AIG1: variants seen among roughly 807,000 people sequenced by gnomAD.
AIG1 encodes the protein androgen-induced gene 1 protein.
A neutral mutation model predicts 31.4 loss-of-function variants in AIG1; 23 were observed. The ratio of observed to expected loss-of-function variants is 0.73; its 90% CI spans 0.53 to 1.04. AIG1 has a LOEUF of 1.04. Among genes scored for constraint, AIG1 ranks in the 50% least tolerant of loss-of-function variants. The pLI is 0.00. For missense variants in AIG1, 274 were observed against 295.0 expected, an observed-to-expected ratio of 0.93 and a Z score of 0.52; for synonymous variants, 100 against 110.5, an observed-to-expected ratio of 0.90 and a Z score of 0.60.
At chr6:143,082,367 T>G (rs540908248) in intron 1 of AIG1, among the ~76,000 whole-genome samples, 63 of 152,328 alleles carry the variant, frequency 4.1e-4, no homozygotes, top group Non-Finnish European at 7.8e-4. Flanking sequence ...AAGGTCCCCT[T>G]GAGCGGCATA....
chr6:143,161,111 AG>A (rs1006140045), intron 2 of AIG1, among the ~76,000 whole-genome samples: 1 of 152,324 alleles, frequency 6.6e-6, no homozygotes, highest in African/African-American at 2.4e-5. Flanking sequence ...TGGAATAGTA[AG>A]AACAATTTTA....
downstream of AIG1, among the ~76,000 whole-genome samples, chr6:143,341,550 A>G (rs1191914037): frequency 6.6e-6 from 1 of 152,178 alleles, no homozygotes; most frequent in Non-Finnish European, 1.5e-5. Flanking sequence ...AGGACACACA[A>G]AGGGACACCA....
Position 143,171,325 on chromosome 6 carries a change from A to G in AIG1, c.399+6142A>G, listed in dbSNP as rs188071363. 3.0e-4 allele frequency among the ~76,000 whole-genome samples: 44 copies of G among 148,548 alleles called. No individual in the cohort carries two copies. The East Asian group carries it at 7.8e-3, about 26-fold the overall frequency. On this transcript the variant is annotated intron_variant, in intron 3 of 5. Transcript: ENST00000357847. ...TCCATTCTCGAGTTACTTCACTTAG[A>G]ATGATGGTTTCCAATTCCATCCAGG...
intron 3 of AIG1, among the ~76,000 whole-genome samples, chr6:143,236,399 TTC>T (rs1328769480): frequency 1.3e-5 from 2 of 152,250 alleles, no homozygotes; most frequent in African/African-American, 4.8e-5. Flanking sequence ...TTTCAAAGGA[TTC>T]AGTCTTTGGT....
intron 2 of AIG1, among the ~76,000 whole-genome samples, chr6:143,147,689 G>A (rs1380256219): frequency 1.3e-5 from 2 of 152,118 alleles, no homozygotes; most frequent in African/African-American, 4.8e-5. Context: ...CACCCCATTA[G>A]CTCAGAGTTC....
chr6:143,206,326 C>T (rs1025145043), intron 3 of AIG1, among the ~76,000 whole-genome samples: 2 of 152,182 alleles, frequency 1.3e-5, no homozygotes, highest in Non-Finnish European at 2.9e-5. Flanking sequence ...TAATCTTTAA[C>T]CATTACATTT....
intron 4 of AIG1, among the ~76,000 whole-genome samples, chr6:143,322,782 A>G (rs1157524951): frequency 1.3e-5 from 2 of 152,196 alleles, no homozygotes; most frequent in Non-Finnish European, 2.9e-5. Flanking sequence ...AAAGCACATT[A>G]CCTCATTACA....
intron 3 of AIG1, chr6:143,190,106 C>T (rs948604832): frequency 9.0e-6 from 8 of 889,190 alleles, no homozygotes; most frequent in Non-Finnish European, 1.1e-5. Context: ...TCCCAAAGGG[C>T]CATCTCCTAA....
chr6:143,066,980 G>A (rs1410247998), intron 1 of AIG1, among the ~76,000 whole-genome samples: 1 of 152,006 alleles, frequency 6.6e-6, no homozygotes, highest in African/African-American at 2.4e-5. Context: ...GACCAGCCTG[G>A]GCATCACAGC....
intron 1 of AIG1, among the ~76,000 whole-genome samples, chr6:143,079,876 C>T (rs774572177): frequency 2.6e-5 from 4 of 151,376 alleles, no homozygotes; most frequent in African/African-American, 7.3e-5. Flanking sequence ...GTTGCCACTC[C>T]GTGCTCAAAT....
intron 3 of AIG1, among the ~76,000 whole-genome samples, chr6:143,216,750 C>T (rs996170631): frequency 2.6e-4 from 39 of 152,182 alleles, no homozygotes; most frequent in African/African-American, 8.9e-4. Flanking sequence ...TATGTGGCTG[C>T]GTCCAGGTTT....
intron 1 of AIG1, among the ~76,000 whole-genome samples, chr6:143,070,946 C>T (rs1472237052): frequency 6.6e-6 from 1 of 152,214 alleles, no homozygotes; most frequent in African/African-American, 2.4e-5. Context: ...GTGTAGGCTT[C>T]ACCCACTTTC....
intron 3 of AIG1, chr6:143,190,052 C>T: frequency 1.8e-6 from 1 of 555,806 alleles, no homozygotes; most frequent in Non-Finnish European, 2.3e-6. Flanking sequence ...TAAAAGCCCA[C>T]CAATCCCATT....
intron 4 of AIG1, among the ~76,000 whole-genome samples, chr6:143,306,246 G>A (rs995975541): frequency 2.0e-5 from 3 of 151,920 alleles, no homozygotes; most frequent in Non-Finnish European, 2.9e-5. Flanking sequence ...ATATTGTTAT[G>A]TGTGAATTTG....
intron 3 of AIG1, among the ~76,000 whole-genome samples, chr6:143,175,957 G>T (rs547150424): frequency 1.3e-5 from 2 of 152,320 alleles, no homozygotes; most frequent in East Asian, 3.9e-4. Flanking sequence ...GAAGATCTGG[G>T]ATTCAAGGCT....
chr6:143,201,084 C>T (rs1162842559), intron 3 of AIG1, among the ~76,000 whole-genome samples: 1 of 152,124 alleles, frequency 6.6e-6, no homozygotes, highest in Non-Finnish European at 1.5e-5. Flanking sequence ...ATTTAGTTTG[C>T]AGAGAGTCCA....
Position 143,327,159 on chromosome 6 carries a change from G to T in AIG1, c.516-6123G>T, listed in dbSNP as rs1275621915. On this transcript the variant is annotated intron_variant, in intron 4 of 5. Transcript: ENST00000357847. The surrounding 1 kb of genome is among the most constrained non-coding windows in gnomAD (Gnocchi z 5.3). ...GCTTCTAACACAAATTAAGATGCTG[G>T]TGATGCACATGGGAAAAATCAACAT... 1 of 157,880 alleles carries T rather than the reference G, an allele frequency of 6.3e-6. No individual in the cohort carries two copies. Among genetic ancestry groups the T allele is most frequent in the Non-Finnish European group, 1.4e-5 (1 of 72,306 alleles). 9.8% of individuals were successfully genotyped at this position (157,880 alleles called of 1,614,324 possible).
chr6:143,183,196 C>CTTTTT (rs35379724), intron 3 of AIG1, among the ~76,000 whole-genome samples: 2 of 132,854 alleles, frequency 1.5e-5, no homozygotes, highest in East Asian at 2.2e-4. Flanking sequence ...CGGACAATGG[C>CTTTTT]TTTTTTTTTT....
At chr6:143,098,581 G>A (rs1244136223) in intron 1 of AIG1, among the ~76,000 whole-genome samples, 1 of 152,080 alleles carries the variant, frequency 6.6e-6, no homozygotes, top group Non-Finnish European at 1.5e-5. Context: ...ATCTGATGTT[G>A]GTCCCCCAAA....
Sources: allele counts gnomAD v4.1 joint callset (sites outside exome capture counted in the v4.1 genomes callset), GRCh38; gene constraint gnomAD v4.1.1; non-coding constraint Gnocchi (gnomAD v3.1); transcripts MANE v1.5; gene names NCBI Gene and HGNC (gene_info 2026-07-23, HGNC 2026-07-21).